Variants in CPA6 observed in about 807,000 individuals in gnomAD.
CPA6 encodes carboxypeptidase B.
CPA6 carries 58 observed loss-of-function variants against 63.3 expected under a neutral mutation model. The observed-to-expected ratio is 0.92, with a 90% confidence interval of 0.74 to 1.14. The LOEUF is 1.14. Among genes scored for constraint, CPA6 ranks in the 50% most tolerant of loss-of-function variants. The pLI is 0.00. For missense variants in CPA6, 565 were observed against 526.6 expected (o/e 1.07, Z -0.71); for synonymous variants, 185 against 179.0 (o/e 1.03, Z -0.27).
chr8:67,499,774 C>G (rs1811795122), intron 6 of CPA6, among the ~76,000 whole-genome samples: 1 of 152,156 alleles, frequency 6.6e-6, no homozygotes, highest in Non-Finnish European at 1.5e-5. Flanking sequence ...TTGGCTTTTT[C>G]ATTCAGCATA....
At position 67,588,995 on chromosome 8, in the gene CPA6, T is replaced by C. The variant is rs1485568517; in HGVS notation, c.192+35181A>G. Among the ~76,000 whole-genome samples, 3 of 152,042 alleles carry C rather than the reference T, an allele frequency of 2.0e-5. No homozygotes were observed. In the East Asian group the frequency reaches 5.8e-4, roughly 29 times the overall value. On this transcript the variant is annotated intron_variant, in intron 2 of 10. Coordinates refer to ENST00000297770, the MANE Select transcript of CPA6 (RefSeq NM_020361.5). ...AGCTGGGCATGGTCGTTCATGCCTG[T>C]AATACCAGAAAACTCAAGAGGCTGA...
At chr8:67,714,085 T>C (rs1299139738) in intron 1 of CPA6, among the ~76,000 whole-genome samples, 1 of 152,186 alleles carries the variant, frequency 6.6e-6, no homozygotes, top group Non-Finnish European at 1.5e-5. Flanking sequence ...CTTTAGAAGG[T>C]TGCATTTAAA....
chr8:67,428,170 T>C (rs1177895872), intron 9 of CPA6, 39 bp from the exon 10 acceptor site: 7 of 1,273,176 alleles, frequency 5.5e-6, no homozygotes, highest in Admixed American at 1.7e-5. Flanking sequence ...TATTGTTGCA[T>C]TGAAACTTTT....
intron 6 of CPA6, among the ~76,000 whole-genome samples, chr8:67,492,800 A>G (rs1811635498): frequency 6.6e-6 from 1 of 152,158 alleles, no homozygotes; most frequent in African/African-American, 2.4e-5. Flanking sequence ...CAACTAATGC[A>G]ATGGATTTCA....
intron 9 of CPA6, among the ~76,000 whole-genome samples, chr8:67,431,620 A>G (rs559705506): frequency 7.2e-5 from 11 of 152,292 alleles, no homozygotes; most frequent in East Asian, 3.9e-4. Context: ...AAGTCTGAAC[A>G]TTTGCCTAAA....
intron 1 of CPA6, among the ~76,000 whole-genome samples, chr8:67,629,664 C>G (rs1249571192): frequency 6.6e-6 from 1 of 152,076 alleles, no homozygotes; most frequent in African/African-American, 2.4e-5. Flanking sequence ...TAGATGTTTG[C>G]AAAGCTAAAA....
chr8:67,588,988 A>G (rs902194058), intron 2 of CPA6, among the ~76,000 whole-genome samples: 2 of 152,060 alleles, frequency 1.3e-5, no homozygotes, highest in African/African-American at 4.8e-5. Context: ...ATGGTCGTTC[A>G]TGCCTGTAAT....
intron 1 of CPA6, among the ~76,000 whole-genome samples, chr8:67,657,971 T>C (rs1816024977): frequency 6.6e-6 from 1 of 152,180 alleles, no homozygotes; most frequent in Non-Finnish European, 1.5e-5. Flanking sequence ...AAGATCCTGT[T>C]ACCAACCTCC....
At chr8:67,694,325 C>A (rs117610871) in intron 1 of CPA6, among the ~76,000 whole-genome samples, 5 of 152,202 alleles carry the variant, frequency 3.3e-5, no homozygotes, top group South Asian at 2.1e-4. Flanking sequence ...AAAGGCCTTG[C>A]CATTTTCTGC....
At chr8:67,635,731 C>T (rs981315283) in intron 1 of CPA6, among the ~76,000 whole-genome samples, 1 of 151,606 alleles carries the variant, frequency 6.6e-6, no homozygotes, top group African/African-American at 2.4e-5. Flanking sequence ...CATGCCACTG[C>T]ACTCCAGCCT....
intron 8 of CPA6, among the ~76,000 whole-genome samples, chr8:67,454,410 G>A (rs1810624886): frequency 6.6e-6 from 1 of 152,148 alleles, no homozygotes; most frequent in South Asian, 2.1e-4. Flanking sequence ...ATGAGAAAAT[G>A]TCTGCAGTAC....
intron 8 of CPA6, among the ~76,000 whole-genome samples, chr8:67,468,016 C>T (rs1486791073): frequency 1.3e-5 from 2 of 151,038 alleles, no homozygotes; most frequent in East Asian, 3.9e-4. Flanking sequence ...CAAGATCATG[C>T]CACTGCACTC....
intron 1 of CPA6, among the ~76,000 whole-genome samples, chr8:67,632,545 C>G (rs79592029): frequency 6.6e-6 from 1 of 152,106 alleles, no homozygotes; most frequent in East Asian, 1.9e-4. Flanking sequence ...TTCCTGGACT[C>G]AAGTAATCCT....
chr8:67,717,971 T>C (rs1817414254), intron 1 of CPA6, among the ~76,000 whole-genome samples: 1 of 152,140 alleles, frequency 6.6e-6, no homozygotes. Flanking sequence ...ATACTGTTAG[T>C]GGAAGCAGGC....
intron 2 of CPA6, among the ~76,000 whole-genome samples, chr8:67,592,555 C>T (rs1036056465): frequency 3.3e-5 from 5 of 151,756 alleles, no homozygotes; most frequent in Admixed American, 6.6e-5. Flanking sequence ...ATTATTGCCA[C>T]AATTTCAGAT....
chr8:67,635,810 T>G (rs1480524573), intron 1 of CPA6, among the ~76,000 whole-genome samples: 2 of 151,606 alleles, frequency 1.3e-5, no homozygotes, highest in African/African-American at 4.9e-5. Flanking sequence ...GTAGAGATGT[T>G]TTCTCTATTG....
intron 2 of CPA6, among the ~76,000 whole-genome samples, chr8:67,617,935 T>C (rs981380733): frequency 8.6e-5 from 13 of 151,186 alleles, no homozygotes; most frequent in African/African-American, 3.2e-4. Context: ...CTGTTTGTTT[T>C]TGCAGGCTAG....
chr8:67,510,420 G>A lies in CPA6; in HGVS notation c.433-802C>T, dbSNP rs1397274256. ...GAGCAGGATATATGTGTGTGTGTGT[G>A]TGTGTGTGTATACACATACATTATG... is the stretch of plus-strand genomic sequence containing the variant. On this transcript the variant is annotated intron_variant, in intron 4 of 10. Coordinates refer to ENST00000297770, the MANE Select transcript of CPA6 (RefSeq NM_020361.5). 2.6e-5 allele frequency among the ~76,000 whole-genome samples: 4 copies of A among 152,172 alleles called. No homozygotes were observed. The East Asian group carries it at 7.7e-4, about 29-fold the overall frequency.
At chr8:67,710,605 A>C (rs1817239476) in intron 1 of CPA6, among the ~76,000 whole-genome samples, 1 of 152,110 alleles carries the variant, frequency 6.6e-6, no homozygotes, top group African/African-American at 2.4e-5. Flanking sequence ...CTGTTTTAAT[A>C]TTAATGCTGA....
Sources: gnomAD v4.1 joint callset for allele counts (sites outside exome capture counted in the v4.1 genomes callset) on GRCh38, gnomAD v4.1.1 for gene constraint, MANE v1.5 for transcripts, NCBI Gene and HGNC (gene_info 2026-07-23, HGNC 2026-07-21) for gene names.